Variants in PRELID2 observed in about 807,000 individuals in gnomAD.
PRELID2 encodes the protein PRELI domain containing 2.
In PRELID2, 25 loss-of-function variants were observed where a neutral mutation model predicts 28.4. The observed-to-expected ratio is 0.88, with a 90% confidence interval of 0.64 to 1.23. PRELID2 has a LOEUF of 1.23. PRELID2 is among the 50% of genes most tolerant of loss of function. The pLI, the probability that PRELID2 is intolerant of heterozygous loss-of-function variation, is 0.00. For missense variants in PRELID2, 201 were observed against 214.4 expected (o/e 0.94, Z 0.39); for synonymous variants, 76 against 71.6 (o/e 1.06, Z -0.31).
the PRELID2 span, among the ~76,000 whole-genome samples, chr5:145,348,640 C>T: frequency 6.6e-6 from 1 of 150,666 alleles, no homozygotes; most frequent in East Asian, 1.9e-4. Context: ...TAAATTGCAG[C>T]CATTTTTTTT....
At chr5:145,235,324 G>C in the PRELID2 span, among the ~76,000 whole-genome samples, 1 of 152,246 alleles carries the variant, frequency 6.6e-6, no homozygotes, top group East Asian at 1.9e-4. Flanking sequence ...TGAGTAAGGT[G>C]TACAGTTGTT....
chr5:145,766,741 T>C (rs1003391367), intron 5 of PRELID2, among the ~76,000 whole-genome samples: 1 of 152,166 alleles, frequency 6.6e-6, no homozygotes, highest in Non-Finnish European at 1.5e-5. Flanking sequence ...CCAATCATTC[T>C]GCTAGGCACC....
chr5:145,232,984 CGT>C, the PRELID2 span, among the ~76,000 whole-genome samples: 10 of 144,898 alleles, frequency 6.9e-5, no homozygotes, highest in Non-Finnish European at 1.1e-4. Flanking sequence ...TATATATATA[CGT>C]GTGTGTGTGT....
intron 1 of PRELID2, among the ~76,000 whole-genome samples, chr5:145,641,850 C>T (rs553977131): frequency 1.7e-4 from 26 of 152,256 alleles, no homozygotes; most frequent in African/African-American, 6.0e-4. Flanking sequence ...TGAACTCATC[C>T]TTTTTATGGC....
chr5:145,394,191 A>C, the PRELID2 span, among the ~76,000 whole-genome samples: 62 of 152,328 alleles, frequency 4.1e-4, 1 homozygote, highest in African/African-American at 1.5e-3. Flanking sequence ...TAAACGTCCA[A>C]CAATGATAGA....
At chr5:145,413,015 C>T in the PRELID2 span, among the ~76,000 whole-genome samples, 61 of 152,226 alleles carry the variant, frequency 4.0e-4, no homozygotes, top group Middle Eastern at 3.4e-3. Flanking sequence ...CCTGTCCCCC[C>T]TTGACACATT....
the PRELID2 span, among the ~76,000 whole-genome samples, chr5:145,360,880 T>G: frequency 3.9e-5 from 6 of 152,206 alleles, no homozygotes; most frequent in Non-Finnish European, 7.3e-5. Context: ...TAAATAAATA[T>G]GATATCCTTA....
chr5:145,633,618 A>C (rs182119338), intron 1 of PRELID2, among the ~76,000 whole-genome samples: 52 of 152,344 alleles, frequency 3.4e-4, no homozygotes, highest in Admixed American at 3.1e-3. Context: ...GAAGCTTTGC[A>C]TCAGCATACT....
intron 1 of PRELID2, among the ~76,000 whole-genome samples, chr5:145,571,859 T>C (rs1470944050): frequency 6.6e-6 from 1 of 151,934 alleles, no homozygotes; most frequent in African/African-American, 2.4e-5. Context: ...CAGATGTCTG[T>C]AGTCCCAGCT....
rs1035658939 is a variant in PRELID2 at position 145,579,112 on chromosome 5, G to C, written n.71-105797C>G. Among the ~76,000 whole-genome samples, 7 of 152,150 alleles carry C rather than the reference G, an allele frequency of 4.6e-5. 1 individual carries two copies. In the South Asian group the frequency reaches 1.4e-3, roughly 32 times the overall value. ...AATAGGAGAATACTCTGAATACCCT[G>C]TTTAGTCTTACAGGGGTCTGAAGAT... On this transcript the variant is annotated intron_variant and non_coding_transcript_variant, in intron 1 of 2. Transcript: ENST00000510259.
At chr5:145,508,411 A>C (rs1663831379) in intron 1 of PRELID2, among the ~76,000 whole-genome samples, 1 of 152,160 alleles carries the variant, frequency 6.6e-6, no homozygotes, top group African/African-American at 2.4e-5. Context: ...GCTGCACAAA[A>C]AACTACTCAG....
the PRELID2 span, among the ~76,000 whole-genome samples, chr5:145,308,288 T>C: frequency 6.6e-6 from 1 of 152,206 alleles, no homozygotes; most frequent in Non-Finnish European, 1.5e-5. Context: ...CAAACGTATT[T>C]CTAGGAGAAA....
At chr5:145,280,697 T>G in the PRELID2 span, among the ~76,000 whole-genome samples, 1 of 151,950 alleles carries the variant, frequency 6.6e-6, no homozygotes, top group Non-Finnish European at 1.5e-5. Context: ...GTTTGTATTT[T>G]AATCTACTAT....
At chr5:145,586,032 AAT>A (rs201002544) in intron 1 of PRELID2, among the ~76,000 whole-genome samples, 10,831 of 152,084 alleles carry the variant, frequency 0.071, 572 homozygotes, top group Admixed American at 0.18. Flanking sequence ...CCAGGCTCTT[AAT>A]AACCCTTTCT....
chr5:145,468,042 A>G (rs1298353018), downstream of PRELID2, among the ~76,000 whole-genome samples: 1 of 152,094 alleles, frequency 6.6e-6, no homozygotes, highest in East Asian at 1.9e-4. Context: ...CATTAGGTAT[A>G]TCTCCTAATG....
the PRELID2 span, among the ~76,000 whole-genome samples, chr5:145,401,207 C>A: frequency 6.6e-6 from 1 of 151,782 alleles, no homozygotes; most frequent in Admixed American, 6.6e-5. Flanking sequence ...TTTGCAAGTT[C>A]TAGAATCTAG....
At chr5:145,679,890 TA>T (rs1037821227) in intron 1 of PRELID2, among the ~76,000 whole-genome samples, 3 of 150,392 alleles carry the variant, frequency 2.0e-5, no homozygotes, top group African/African-American at 4.9e-5. Context: ...AAATAATATA[TA>T]AAATATGTAA....
chr5:145,364,620 C>G, the PRELID2 span, among the ~76,000 whole-genome samples: 6 of 151,908 alleles, frequency 3.9e-5, no homozygotes, highest in Non-Finnish European at 8.8e-5. Context: ...GATTAAATGA[C>G]CAGGCTACTA....
intron 1 of PRELID2, among the ~76,000 whole-genome samples, chr5:145,581,906 C>A (rs1437690618): frequency 2.0e-5 from 3 of 152,034 alleles, no homozygotes; most frequent in Non-Finnish European, 4.4e-5. Context: ...CCTAGTGTTA[C>A]CAGTTATCTT....
Sources: allele counts gnomAD v4.1 joint callset (sites outside exome capture counted in the v4.1 genomes callset), GRCh38; gene constraint gnomAD v4.1.1; transcripts MANE v1.5; gene names NCBI Gene and HGNC (gene_info 2026-07-23, HGNC 2026-07-21).